Variants in HPS4 observed in about 807,000 individuals in gnomAD.
The protein encoded by HPS4 is HPS4 biogenesis of lysosomal organelles complex 3 subunit 2, also known as BLOC-3 complex member HPS4.
A neutral mutation model predicts 70.3 loss-of-function variants in HPS4; 44 were observed. The observed-to-expected ratio is 0.63, with a 90% CI of 0.49 to 0.80. HPS4 has a LOEUF of 0.80. Ranked by LOEUF, HPS4 falls within the 30% of genes least tolerant of loss-of-function variation. The pLI, the probability that HPS4 is intolerant of heterozygous loss-of-function variation, is 0.00. For missense variants in HPS4, 873 were observed against 884.4 expected, an observed-to-expected ratio of 0.99 and a Z score of 0.16; for synonymous variants, 377 against 355.9, an observed-to-expected ratio of 1.06 and a Z score of -0.67.
Position 26,483,754 on chromosome 22 carries a change from C to G in HPS4, c.-559G>C. Reference sequence around the variant, plus strand: ...GGCAGCAGCTGGGTACCTGCGACTTCTGCCCCGTACCTGCGCGCGCGGCAG... The same window carrying G: ...GGCAGCAGCTGGGTACCTGCGACTTGTGCCCCGTACCTGCGCGCGCGGCAG... On this transcript the variant is annotated 5_prime_UTR_variant, in exon 1 of 14. Transcript: ENST00000398145. 1 of 541,154 alleles carries G rather than the reference C, an allele frequency of 1.8e-6. No individual in the cohort carries two copies. The highest frequency in any genetic ancestry group is 2.9e-6 in the Non-Finnish European group (1 of 348,714). 33.5% of individuals were successfully genotyped at this position (541,154 alleles called of 1,614,324 possible).
intron 7 of HPS4, among the ~76,000 whole-genome samples, chr22:26,469,790 G>A (rs1432387047): frequency 6.6e-6 from 1 of 151,900 alleles, no homozygotes; most frequent in Non-Finnish European, 1.5e-5. Flanking sequence ...TGTCACTGAC[G>A]AACTTGGAAA....
chr22:26,443,160 C>T (rs1424845156), downstream of HPS4: 6 of 1,614,110 alleles, frequency 3.7e-6, no homozygotes, highest in Non-Finnish European at 3.4e-6. Context: ...AACGTCGCAG[C>T]GGCCGAACGG....
At chr22:26,468,064 C>G in intron 8 of HPS4, 1 of 169,726 alleles carries the variant, frequency 5.9e-6, no homozygotes, top group South Asian at 1.4e-4. Flanking sequence ...CCACCACACC[C>G]AGCTAATTTT....
In HPS4 at chr22:26,464,151, A is replaced by T. The variant is rs777570870; in HGVS notation, c.1479T>A (p.Asp493Glu). Residue 493 changes from aspartate (D) to glutamate (E), a missense_variant, in exon 11 of 14, where the codon GAT becomes GAA. By Grantham distance (45) the Asp-to-Glu change is conservative. Transcript: ENST00000398145. ...CGTGGCTTTCACAGACCCCATCAAC[A>T]TCCTCATCCAGGCCTTGTTCCCCCG... ...LPTGEQGLDEDVDGVCESHAA... is the reference protein window; with the variant it reads ...LPTGEQGLDEEVDGVCESHAA... The T allele has an allele frequency of 6.2e-7, 1 of 1,614,012 alleles. No individual in the cohort carries two copies. The highest frequency in any genetic ancestry group is 8.5e-7 in the Non-Finnish European group (1 of 1,180,006).
rs1209268305 is a variant in HPS4 at position 26,452,863 on chromosome 22, C to A, written c.*370G>T. The A allele has an allele frequency of 3.2e-6, 1 of 309,996 alleles. No homozygotes were observed. Among genetic ancestry groups the A allele is most frequent in the South Asian group, 2.9e-5 (1 of 33,998 alleles). 19.2% of individuals were successfully genotyped at this position (309,996 alleles called of 1,614,324 possible). On this transcript the variant is annotated 3_prime_UTR_variant, in exon 14 of 14. Transcript: ENST00000398145. Reference sequence around the variant, plus strand: ...AACACACACACTCTGGGCTAGTGGACGATCAGGTTCTAGAAAAAATGCCAA... The same window carrying A: ...AACACACACACTCTGGGCTAGTGGAAGATCAGGTTCTAGAAAAAATGCCAA...
rs2085144047 is a variant in HPS4, at chr22:26,451,013, G to A, written c.*2220C>T. Among the ~76,000 whole-genome samples the A allele has an allele frequency of 6.6e-6, 1 of 152,204 alleles. No individual in the cohort carries two copies. Among genetic ancestry groups the A allele is most frequent in the South Asian group, 2.1e-4 (1 of 4,830 alleles). On this transcript the variant is annotated 3_prime_UTR_variant, in exon 14 of 14. Transcript: ENST00000398145. ...CAGGTGGCAGATGGCTGGCACAGAG[G>A]AAGCCAAAACAGAGGCTTTTCTGCC...
At chr22:26,468,736 G>T (rs2089214489) in intron 7 of HPS4, 113 bp from the exon 8 acceptor site, 1 of 970,668 alleles carries the variant, frequency 1.0e-6, no homozygotes, top group African/African-American at 1.6e-5. Context: ...GACTTGGCTG[G>T]TGGGAGTTTC....
At chr22:26,466,588 C>T in intron 8 of HPS4, 1 of 462,716 alleles carries the variant, frequency 2.2e-6, no homozygotes, top group Non-Finnish European at 4.0e-6. Context: ...CTCTTTTACA[C>T]CTTTGGGGAA....
Position 26,445,308 on chromosome 22 carries a change from A to C in HPS4, n.519-614T>G, listed in dbSNP as rs570481001. Among the ~76,000 whole-genome samples, 189 of 152,290 alleles carry C rather than the reference A, an allele frequency of 1.2e-3. 1 individual carries two copies. Among genetic ancestry groups the C allele is most frequent in the Non-Finnish European group, 2.2e-3 (152 of 68,012 alleles). ...TAGGTCGCGCCAGTGCACTCCAGCC[A>C]AGACGACAGAACAAGACCCTGTCCA... is the stretch of plus-strand genomic sequence containing the variant. On this transcript the variant is annotated intron_variant and non_coding_transcript_variant, in intron 3 of 3. Coordinates refer to the HPS4 transcript ENST00000493455.
chr22:26,466,655 A>T, intron 8 of HPS4: 1 of 299,886 alleles, frequency 3.3e-6, no homozygotes, highest in East Asian at 7.6e-5. Context: ...ATTCACATAA[A>T]TTCCATTATA....
rs143166330 is a variant in HPS4, at chr22:26,468,235, G to A, written c.669+316C>T. The A allele has an allele frequency of 1.5e-5, 6 of 397,520 alleles. No individual in the cohort carries two copies. The East Asian group carries it at 3.3e-4, about 22-fold the overall frequency. 24.6% of individuals were successfully genotyped at this position (397,520 alleles called of 1,614,324 possible). A position where few individuals can be genotyped will look rare whatever the true frequency, so the allele number is the denominator to read the frequency against. On this transcript the variant is annotated intron_variant, in intron 8 of 13. Transcript: ENST00000398145. ...TCTTTCTAAAGACACATCCTTTACA[G>A]TCTGTCTCTGAAAAGTCTAACATCT...
chr22:26,471,255 T>C (rs146620511), intron 6 of HPS4: 55 of 421,052 alleles, frequency 1.3e-4, no homozygotes, highest in African/African-American at 7.2e-4. Context: ...CCCATGGTGA[T>C]ACAGGTGGCT....
intron 8 of HPS4, 29 bp from the exon 9 acceptor site, chr22:26,466,291 G>C (rs370487165): frequency 6.2e-7 from 1 of 1,613,128 alleles, no homozygotes; most frequent in Non-Finnish European, 8.5e-7. Context: ...AGAAGTTGGC[G>C]CTGGGCACCA....
chr22:26,456,226 G>A (rs2086114298), intron 13 of HPS4, among the ~76,000 whole-genome samples: 1 of 152,204 alleles, frequency 6.6e-6, no homozygotes, highest in South Asian at 2.1e-4. Flanking sequence ...TGAAATGTGT[G>A]TGGAAAGGTC....
intron 13 of HPS4, among the ~76,000 whole-genome samples, chr22:26,454,578 A>G (rs2085755235): frequency 6.6e-6 from 1 of 152,246 alleles, no homozygotes; most frequent in South Asian, 2.1e-4. Context: ...ACAAAAATTA[A>G]TTCAAGATGG....
chr22:26,481,134 C>A (rs1225406416), intron 2 of HPS4, among the ~76,000 whole-genome samples: 1 of 151,312 alleles, frequency 6.6e-6, no homozygotes, highest in Non-Finnish European at 1.5e-5. Context: ...TGCGGGCACA[C>A]GAAAGAAAAC....
At chr22:26,462,751 C>T (rs979476288) in intron 11 of HPS4, among the ~76,000 whole-genome samples, 4 of 152,130 alleles carry the variant, frequency 2.6e-5, no homozygotes, top group Non-Finnish European at 5.9e-5. Context: ...AGGCATTTAA[C>T]ACTGCAGCCA....
intron 7 of HPS4, among the ~76,000 whole-genome samples, chr22:26,469,975 A>G (rs2089505388): frequency 6.6e-6 from 1 of 152,248 alleles, no homozygotes; most frequent in Non-Finnish European, 1.5e-5. Flanking sequence ...CCAAGGCCGC[A>G]TGGCTGGCGA....
rs546883898 is a variant in HPS4, at chr22:26,479,593, G to C, written c.42-238C>G. 2.2e-6 allele frequency: 3 copies of C among 1,349,876 alleles called. No individual in the cohort carries two copies. In the East Asian group the frequency reaches 8.6e-5, roughly 39 times the overall value. The allele number at this position is 1,349,876 out of a possible 1,614,324, so 83.6% of individuals were successfully genotyped here. ...AGCCGTTAGACCATCTGCCGGAGAA[G>C]ACACGAGTAGCTAGAAAAAAAAACG... On this transcript the variant is annotated intron_variant, in intron 2 of 13. Transcript: ENST00000398145.
Sources: gnomAD v4.1 joint callset for allele counts (sites outside exome capture counted in the v4.1 genomes callset) on GRCh38, gnomAD v4.1.1 for gene constraint, MANE v1.5 for transcripts, NCBI Gene and HGNC (gene_info 2026-07-23, HGNC 2026-07-21) for gene names.